Variants in CD1B observed in about 807,000 individuals in gnomAD.
The protein encoded by CD1B is T-cell surface glycoprotein CD1b.
CD1B carries 43 observed loss-of-function variants against 39.8 expected under a neutral mutation model. The ratio of observed to expected loss-of-function variants is 1.08; its 90% CI spans 0.85 to 1.39. CD1B has a LOEUF of 1.39. Among genes scored for constraint, CD1B ranks in the 40% most tolerant of loss-of-function variants. CD1B has a pLI of 0.00. For synonymous variants in CD1B, 192 were observed against 152.5 expected, an observed-to-expected ratio of 1.26 and a Z score of -1.91; for missense variants, 495 against 403.8, an observed-to-expected ratio of 1.23 and a Z score of -1.94.
chr1:158,292,129 G>T, the CD1B span: 1 of 1,614,112 alleles, frequency 6.2e-7, no homozygotes. Context: ...CTGCATTCTG[G>T]AAAGAGCCCA....
the CD1B span, among the ~76,000 whole-genome samples, chr1:158,310,528 C>T: frequency 6.6e-6 from 1 of 151,742 alleles, no homozygotes; most frequent in Non-Finnish European, 1.5e-5. Context: ...AATAAACAGA[C>T]AACTTACAGA....
the CD1B span, among the ~76,000 whole-genome samples, chr1:158,310,324 T>C: frequency 6.6e-6 from 1 of 152,174 alleles, no homozygotes; most frequent in Non-Finnish European, 1.5e-5. Flanking sequence ...TAATTCAAGA[T>C]GGATTAAAGA....
Position 158,328,912 on chromosome 1 carries a change from A to C in CD1B, c.980+9T>G, listed in dbSNP as rs764264646. The stretch of plus-strand genomic sequence containing the variant: ...ATTAAAAAAAAAAACAACACCACCC[A>C]CAACTCACCGGCGCCTCATATACCA... On this transcript the variant is annotated intron_variant, in intron 5 of 5. Coordinates refer to ENST00000368168, the MANE Select transcript of CD1B (RefSeq NM_001764.3). 18 of 1,588,270 alleles carry C rather than the reference A, an allele frequency of 1.1e-5. No homozygotes were observed. The highest frequency in any genetic ancestry group is 1.4e-5 in the African/African-American group (1 of 73,212).
chr1:158,287,979 G>T, the CD1B span, among the ~76,000 whole-genome samples: 2 of 152,164 alleles, frequency 1.3e-5, no homozygotes, highest in Non-Finnish European at 2.9e-5. Flanking sequence ...ACATTCCATT[G>T]CCCAGAACTC....
chr1:158,293,478 A>T, the CD1B span: 2 of 1,613,322 alleles, frequency 1.2e-6, no homozygotes, highest in Middle Eastern at 3.3e-4. Flanking sequence ...ATCCTGTGAG[A>T]CTCTTCCCCC....
chr1:158,330,034 A>T lies in CD1B; in HGVS notation c.425T>A (p.Leu142Gln). 1 of 1,614,092 alleles carries T rather than the reference A, an allele frequency of 6.2e-7. No homozygotes were observed. Among genetic ancestry groups the T allele is most frequent in the Non-Finnish European group, 8.5e-7 (1 of 1,179,966 alleles). ...LRGALGGLDF[L>Q]SVKNASCVPS... ...CACACATGAAGCATTCTTGACACTC[A>T]GGAAATCCAATCCTCCTAGAGCTCC... Residue 142 changes from leucine to glutamine, a missense_variant, in exon 3 of 6, where the codon CTG (leucine) becomes CAG (glutamine). Transcript: ENST00000368168.
the CD1B span, chr1:158,290,109 T>C: frequency 1.2e-5 from 19 of 1,613,870 alleles, no homozygotes; most frequent in South Asian, 3.3e-5. Flanking sequence ...TTCTCCCAGG[T>C]GGTGACAATG....
chr1:158,299,986 A>G, the CD1B span, among the ~76,000 whole-genome samples: 1 of 151,928 alleles, frequency 6.6e-6, no homozygotes, highest in Non-Finnish European at 1.5e-5. Flanking sequence ...TCTTTATCTC[A>G]TTCAGGTCTG....
chr1:158,307,000 A>C, the CD1B span, among the ~76,000 whole-genome samples: 153 of 152,210 alleles, frequency 1.0e-3, 1 homozygote, highest in African/African-American at 2.9e-3. Context: ...AATTGACACC[A>C]TAACATCACA....
the CD1B span, among the ~76,000 whole-genome samples, chr1:158,290,828 G>C: frequency 6.6e-6 from 1 of 152,178 alleles, no homozygotes; most frequent in African/African-American, 2.4e-5. Context: ...TGACAATGCA[G>C]ATAGTATGAA....
the CD1B span, among the ~76,000 whole-genome samples, chr1:158,309,037 A>T: frequency 6.6e-6 from 1 of 152,224 alleles, no homozygotes; most frequent in Non-Finnish European, 1.5e-5. Flanking sequence ...CATCAGAGTG[A>T]ACAGGCAACC....
At chr1:158,305,427 T>G in the CD1B span, among the ~76,000 whole-genome samples, 2 of 152,200 alleles carry the variant, frequency 1.3e-5, no homozygotes, top group Non-Finnish European at 2.9e-5. Context: ...AATATGGGAC[T>G]ATGTGAAAAG....
chr1:158,325,640 TAC>T (rs57890038), downstream of CD1B, among the ~76,000 whole-genome samples: 23,249 of 148,588 alleles, frequency 0.16, 1,829 homozygotes, highest in East Asian at 0.27. Context: ...ATACATTTTA[TAC>T]ACACACACAC....
the CD1B span, among the ~76,000 whole-genome samples, chr1:158,317,336 C>A: frequency 6.6e-6 from 1 of 152,206 alleles, no homozygotes; most frequent in Admixed American, 6.5e-5. Flanking sequence ...GCCACAATTT[C>A]ATATCCTGTT....
the CD1B span, chr1:158,293,641 G>T: frequency 6.6e-7 from 1 of 1,525,642 alleles, no homozygotes; most frequent in Non-Finnish European, 8.9e-7. Context: ...TGTTTTTCTT[G>T]GAATCTCCAC....
downstream of CD1B, chr1:158,327,877 T>C (rs1381128915): frequency 5.6e-6 from 1 of 177,514 alleles, no homozygotes; most frequent in East Asian, 1.5e-4. Flanking sequence ...TATTTGGTTT[T>C]CTTTGACAAA....
downstream of CD1B, among the ~76,000 whole-genome samples, chr1:158,325,464 G>T (rs562672150): frequency 2.0e-5 from 3 of 152,228 alleles, no homozygotes; most frequent in African/African-American, 7.2e-5. Flanking sequence ...AATAGATGCA[G>T]CTGTAAAGCC....
At position 158,328,190 on chromosome 1, in the gene CD1B, G is replaced by C; in HGVS notation, c.*46C>G. On this transcript the variant is annotated 3_prime_UTR_variant, in exon 6 of 6. Coordinates refer to ENST00000368168, the MANE Select transcript of CD1B (RefSeq NM_001764.3). Reference sequence around the variant, plus strand: ...ATTGACTTTTGGGCTGATATCTTGGGCTTCTTGGTACTTATTGCGAATGGG... The same window carrying C: ...ATTGACTTTTGGGCTGATATCTTGGCCTTCTTGGTACTTATTGCGAATGGG... 6.7e-7 allele frequency: 1 copy of C among 1,497,852 alleles called. No individual in the cohort carries two copies. Among genetic ancestry groups the C allele is most frequent in the Non-Finnish European group, 9.2e-7 (1 of 1,082,016 alleles). The allele number at this position is 1,497,852 out of a possible 1,614,324, so 92.8% of individuals were successfully genotyped here.
At chr1:158,293,517 C>A in the CD1B span, 1 of 1,613,960 alleles carries the variant, frequency 6.2e-7, no homozygotes, top group South Asian at 1.1e-5. Context: ...AAGAACCCAG[C>A]AACCCAGGAG....
Sources: allele counts gnomAD v4.1 joint callset (sites outside exome capture counted in the v4.1 genomes callset), GRCh38; gene constraint gnomAD v4.1.1; transcripts MANE v1.5; gene names NCBI Gene and HGNC (gene_info 2026-07-23, HGNC 2026-07-21).